The following RASGRF2 variants were observed in gnomAD, a reference collection of about 807,000 sequenced individuals.
The protein encoded by RASGRF2 is Ras protein specific guanine nucleotide releasing factor 2, also known as ras-specific guanine nucleotide-releasing factor 2.
A neutral mutation model predicts 151.0 loss-of-function variants in RASGRF2; 76 were observed. The observed-to-expected ratio is 0.50, with a 90% confidence interval of 0.42 to 0.61. The LOEUF is 0.61. Ranked by LOEUF, RASGRF2 falls within the 20% of genes least tolerant of loss-of-function variation. RASGRF2 has a pLI of 0.00. For missense variants in RASGRF2, 1,148 were observed against 1,564.6 expected, an observed-to-expected ratio of 0.73 and a Z score of 4.49; for synonymous variants, 504 against 566.5, an observed-to-expected ratio of 0.89 and a Z score of 1.57.
Position 81,113,671 on chromosome 5 carries a change from A to G in RASGRF2, c.2221A>G (p.Arg741Gly). The change falls in exon 15 of 27, where the codon AGG (arginine) becomes GGG (glycine). Residue 741 changes from arginine to glycine, a missense_variant. This residue lies in a region of RASGRF2 where 646 missense variants were observed against 807.4 expected (regional missense o/e 0.80). Coordinates refer to ENST00000265080, the MANE Select transcript of RASGRF2 (RefSeq NM_006909.3). ...LAVSRTSSPV[R>G]ARKLSLTSPL... ...TGTGTCCAGAACATCTTCCCCAGTG[A>G]GGGCCAGAAAGCTGTCTTTGACTTC... is the stretch of plus-strand genomic sequence containing the variant. 1.2e-6 allele frequency: 2 copies of G among 1,613,446 alleles called. No individual in the cohort carries two copies. Among genetic ancestry groups the G allele is most frequent in the Non-Finnish European group, 1.7e-6 (2 of 1,179,388 alleles).
At chr5:81,010,082 G>A (rs1393971006) in intron 1 of RASGRF2, among the ~76,000 whole-genome samples, 2 of 151,924 alleles carry the variant, frequency 1.3e-5, no homozygotes, top group African/African-American at 2.4e-5. Flanking sequence ...CTTGAATCCT[G>A]GAGGTAGGTT....
intron 2 of RASGRF2, among the ~76,000 whole-genome samples, chr5:81,062,022 A>AT (rs1279056961): frequency 1.1e-4 from 17 of 151,160 alleles, no homozygotes; most frequent in Non-Finnish European, 2.4e-4. Flanking sequence ...AAAAAAAAAA[A>AT]AACTGTAGAG....
chr5:81,212,277 T>C, intron 22 of RASGRF2, 89 bp from the exon 23 acceptor site: 4 of 904,018 alleles, frequency 4.4e-6, no homozygotes, highest in Non-Finnish European at 5.1e-6. Context: ...CCTGCCTTCC[T>C]GACAGGTCTG....
chr5:81,207,296 G>C lies in RASGRF2; in HGVS notation c.3018G>C (p.Leu1006=), dbSNP rs749701805. 1 of 1,614,108 alleles carries C rather than the reference G, an allele frequency of 6.2e-7. No homozygotes were observed. The highest frequency in any genetic ancestry group is 1.1e-5 in the South Asian group (1 of 91,068). ...TTGAGTCCTTGTCGGCCATGGAGCT[G>C]GCAGAACAGATCACCCTCCTGGACC... ...ECFESLSAME[L]AEQITLLDHV... is the part of the protein sequence containing the mutation. Residue 1006 remains leucine (L), a synonymous_variant, in exon 21 of 27, where the codon CTG becomes CTC. Transcript: ENST00000265080.
At chr5:81,131,782 T>C (rs1281304681) in intron 17 of RASGRF2, among the ~76,000 whole-genome samples, 1 of 152,198 alleles carries the variant, frequency 6.6e-6, no homozygotes, top group Non-Finnish European at 1.5e-5. Flanking sequence ...GTCACTGCTA[T>C]CCAGAGAATC....
chr5:81,073,777 C>T (rs184191532), intron 5 of RASGRF2, among the ~76,000 whole-genome samples: 162 of 152,248 alleles, frequency 1.1e-3, no homozygotes, highest in Non-Finnish European at 1.8e-3. Context: ...CACCACCACA[C>T]CTGGCTAATT....
At chr5:80,995,691 C>T (rs1370412712) in intron 1 of RASGRF2, among the ~76,000 whole-genome samples, 3 of 129,924 alleles carry the variant, frequency 2.3e-5, no homozygotes, top group South Asian at 2.9e-4. Flanking sequence ...CCTTCCCCCC[C>T]CCTTTTTTTT....
chr5:80,971,015 T>C (rs1431941484), intron 1 of RASGRF2, among the ~76,000 whole-genome samples: 2 of 152,208 alleles, frequency 1.3e-5, no homozygotes, highest in Non-Finnish European at 2.9e-5. Flanking sequence ...AAATTTTTCT[T>C]TACTTTTTTA....
At chr5:81,139,554 CAG>C (rs1297447105) in intron 17 of RASGRF2, among the ~76,000 whole-genome samples, 1 of 151,798 alleles carries the variant, frequency 6.6e-6, no homozygotes, top group African/African-American at 2.4e-5. Context: ...TTAGTAAAGA[CAG>C]GGTTTCACCA....
chr5:81,196,205 G>A (rs1227522247), intron 18 of RASGRF2, among the ~76,000 whole-genome samples: 3 of 152,216 alleles, frequency 2.0e-5, no homozygotes, highest in Admixed American at 2.0e-4. Context: ...GCTACAGTGA[G>A]CCCAGATTGT....
At chr5:81,083,742 C>T (rs1334146435) in intron 7 of RASGRF2, among the ~76,000 whole-genome samples, 1 of 152,168 alleles carries the variant, frequency 6.6e-6, no homozygotes, top group Non-Finnish European at 1.5e-5. Context: ...GTCGAAAGTC[C>T]ATTGGTAAGC....
chr5:81,081,242 C>T (rs540610723), intron 7 of RASGRF2, among the ~76,000 whole-genome samples: 4 of 152,230 alleles, frequency 2.6e-5, no homozygotes, highest in South Asian at 2.1e-4. Flanking sequence ...CCCTTCCTGT[C>T]GCGGTTGCTG....
At chr5:81,017,836 G>A (rs112017648) in intron 1 of RASGRF2, among the ~76,000 whole-genome samples, 345 of 151,442 alleles carry the variant, frequency 2.3e-3, no homozygotes, top group African/African-American at 8.2e-3. Context: ...AGTGGCTCAC[G>A]CCTGTAATCC....
chr5:81,223,948 C>T (rs569689139), intron 26 of RASGRF2, among the ~76,000 whole-genome samples: 1 of 152,178 alleles, frequency 6.6e-6, no homozygotes, highest in East Asian at 1.9e-4. Context: ...CCTTCTTAAG[C>T]ACAGAATGCA....
intron 11 of RASGRF2, 47 bp downstream of exon 11, chr5:81,094,409 G>A: frequency 1.3e-6 from 2 of 1,534,696 alleles, no homozygotes; most frequent in Non-Finnish European, 1.8e-6. Context: ...TTAGAGGCGG[G>A]AGAGAGAGGC....
chr5:81,192,970 C>T (rs993455821), intron 18 of RASGRF2, among the ~76,000 whole-genome samples: 2 of 152,198 alleles, frequency 1.3e-5, no homozygotes, highest in African/African-American at 2.4e-5. Flanking sequence ...GAGCTCAACA[C>T]ATCCTGAGTC....
intron 5 of RASGRF2, among the ~76,000 whole-genome samples, chr5:81,074,731 G>GT (rs1751886410): frequency 6.6e-6 from 1 of 152,110 alleles, no homozygotes; most frequent in Non-Finnish European, 1.5e-5. Flanking sequence ...ATGTACCATA[G>GT]TTTTTTTATA....
chr5:80,965,328 A>C (rs1323123778), intron 1 of RASGRF2, among the ~76,000 whole-genome samples: 2 of 152,200 alleles, frequency 1.3e-5, no homozygotes, highest in Admixed American at 1.3e-4. Context: ...CACAAAGGGA[A>C]AATGGAATAA....
At chr5:80,996,510 C>T (rs1194301978) in intron 1 of RASGRF2, among the ~76,000 whole-genome samples, 3,407 of 65,938 alleles carry the variant, frequency 0.052, 472 homozygotes, top group African/African-American at 0.06. Context: ...TCTTCCTCCT[C>T]CTCCTCCTCC....
Sources: gnomAD v4.1 joint callset for allele counts (sites outside exome capture counted in the v4.1 genomes callset) on GRCh38, gnomAD v4.1.1 for gene constraint, gnomAD v4.1.1 regional missense constraint, MANE v1.5 for transcripts, NCBI Gene and HGNC (gene_info 2026-07-23, HGNC 2026-07-21) for gene names.